COG5: variants seen among roughly 807,000 people sequenced by gnomAD.
COG5 encodes component of oligomeric golgi complex 5.
COG5 carries 86 observed loss-of-function variants against 110.4 expected under a neutral mutation model. The observed-to-expected ratio is 0.78, with a 90% CI of 0.65 to 0.93. The LOEUF (loss-of-function observed/expected upper bound fraction) is 0.93. Among genes scored for constraint, COG5 ranks in the 40% least tolerant of loss-of-function variants. COG5 has a pLI of 0.00. For synonymous variants in COG5, 360 were observed against 334.6 expected (o/e 1.08, Z -0.83); for missense variants, 1,077 against 987.0 (o/e 1.09, Z -1.22).
chr7:107,457,489 C>T (rs541761740), intron 6 of COG5, among the ~76,000 whole-genome samples: 98 of 151,938 alleles, frequency 6.4e-4, no homozygotes, highest in Non-Finnish European at 1.1e-3. Flanking sequence ...GTGCAAGTGG[C>T]GCAATCTCAG....
chr7:107,267,472 T>C (rs192642000), intron 14 of COG5, among the ~76,000 whole-genome samples: 2 of 152,320 alleles, frequency 1.3e-5, no homozygotes, highest in East Asian at 1.9e-4. Flanking sequence ...TTTTTAATTA[T>C]TTGAAAAAGA....
chr7:107,462,340 T>C (rs1796042982), intron 6 of COG5, among the ~76,000 whole-genome samples: 1 of 152,192 alleles, frequency 6.6e-6, no homozygotes, highest in South Asian at 2.1e-4. Context: ...CATGGACTTT[T>C]GCAAAGATCT....
rs571348539 is a variant in COG5, at chr7:107,557,935, T to G, written c.234+41A>C. On this transcript the variant is annotated intron_variant, in intron 2 of 21. Transcript: ENST00000297135. The stretch of plus-strand genomic sequence containing the variant: ...TTACAAAAATGCTAAATTATCACTT[T>G]AGGCTGAATAATCCATAGGGACCCA... The G allele has an allele frequency of 6.2e-6, 10 of 1,609,500 alleles. No individual in the cohort carries two copies. In the African/African-American group the frequency reaches 1.3e-4, roughly 21 times the overall value.
intron 10 of COG5, among the ~76,000 whole-genome samples, chr7:107,327,175 C>G (rs541848280): frequency 6.6e-6 from 1 of 151,922 alleles, no homozygotes; most frequent in Non-Finnish European, 1.5e-5. Context: ...AACAAGGGTG[C>G]CAAGGCTACA....
intron 12 of COG5, among the ~76,000 whole-genome samples, chr7:107,285,757 T>C (rs1215388140): frequency 6.6e-6 from 1 of 151,476 alleles, no homozygotes; most frequent in Non-Finnish European, 1.5e-5. Context: ...TAATCCCAGC[T>C]ACTCAGGAGA....
chr7:107,360,507 C>T (rs12532514), intron 10 of COG5, among the ~76,000 whole-genome samples: 23,625 of 152,208 alleles, frequency 0.16, 2,284 homozygotes, highest in Non-Finnish European at 0.22. Flanking sequence ...GAAGCCCACA[C>T]CTAGATGCAC....
intron 1 of COG5, 134 bp from the exon 2 acceptor site, chr7:107,558,249 T>C (rs1803477032): frequency 2.4e-6 from 2 of 823,570 alleles, no homozygotes; most frequent in Admixed American, 2.2e-5. Context: ...TACTGCTTAA[T>C]GCTTACTTTT....
Position 107,525,772 on chromosome 7 carries a change from G to A in COG5, c.538+1465C>T, listed in dbSNP as rs555783001. ...CAATTTTTACTTTTTAGAGCCAAGA[G>A]GAGATCTGTTCTGTTCACCCAGGCT... On this transcript the variant is annotated intron_variant, in intron 6 of 21. Coordinates refer to ENST00000297135, the MANE Select transcript of COG5 (RefSeq NM_006348.5). 9.9e-5 allele frequency among the ~76,000 whole-genome samples: 15 copies of A among 152,088 alleles called. No homozygotes were observed. In the South Asian group the frequency reaches 3.1e-3, roughly 32 times the overall value.
intron 16 of COG5, among the ~76,000 whole-genome samples, chr7:107,250,956 C>A (rs1802456213): frequency 1.3e-5 from 2 of 151,810 alleles, no homozygotes; most frequent in African/African-American, 4.8e-5. Context: ...GAGAATGAGG[C>A]AGCAAAACTA....
intron 6 of COG5, among the ~76,000 whole-genome samples, chr7:107,468,331 TA>T (rs1267415737): frequency 2.0e-5 from 3 of 152,154 alleles, no homozygotes; most frequent in Admixed American, 6.6e-5. Flanking sequence ...TCTGCTGTGT[TA>T]ATAATCTCCT....
intron 10 of COG5, among the ~76,000 whole-genome samples, chr7:107,333,974 A>G (rs1014710356): frequency 3.9e-5 from 6 of 152,076 alleles, no homozygotes; most frequent in Non-Finnish European, 1.5e-5. Flanking sequence ...AATGAGAACT[A>G]TTTTCTCTCT....
intron 6 of COG5, among the ~76,000 whole-genome samples, chr7:107,517,031 T>A (rs1799968980): frequency 6.6e-6 from 1 of 152,196 alleles, no homozygotes; most frequent in South Asian, 2.1e-4. Flanking sequence ...GAAGTAGGCT[T>A]CAGAAGGTGG....
intron 12 of COG5, among the ~76,000 whole-genome samples, chr7:107,297,608 C>A (rs967628985): frequency 6.6e-6 from 1 of 151,858 alleles, no homozygotes; most frequent in Non-Finnish European, 1.5e-5. Context: ...GCCACCATGC[C>A]CAGCTAATCT....
intron 7 of COG5, among the ~76,000 whole-genome samples, chr7:107,393,770 A>T (rs1790791806): frequency 6.6e-6 from 1 of 152,176 alleles, no homozygotes; most frequent in South Asian, 2.1e-4. Context: ...GAAAAAGATA[A>T]ATTATACTGC....
intron 10 of COG5, among the ~76,000 whole-genome samples, chr7:107,358,185 T>G (rs904309406): frequency 1.3e-5 from 2 of 152,190 alleles, no homozygotes; most frequent in African/African-American, 4.8e-5. Context: ...GTTCTTATGT[T>G]GTTTGTAGAA....
intron 19 of COG5, among the ~76,000 whole-genome samples, chr7:107,227,116 G>A (rs1740807742): frequency 6.6e-6 from 1 of 152,196 alleles, no homozygotes; most frequent in African/African-American, 2.4e-5. Context: ...CAAGAGTTAA[G>A]GGCCTCGTGA....
chr7:107,562,186 G>C lies in COG5; in HGVS notation c.94+1617C>G, dbSNP rs575230237. Among the ~76,000 whole-genome samples the C allele has an allele frequency of 3.3e-5, 5 of 152,276 alleles. No homozygotes were observed. The East Asian group carries it at 9.7e-4, about 29-fold the overall frequency. On this transcript the variant is annotated intron_variant, in intron 1 of 21. Coordinates refer to ENST00000297135, the MANE Select transcript of COG5 (RefSeq NM_006348.5). ...GTCATTTGTTGAGCTTGAAGCGAAA[G>C]GTTTGAAAAGGGTAAAGAAGATTTA...
At chr7:107,272,420 T>C (rs904332862) in intron 14 of COG5, among the ~76,000 whole-genome samples, 4 of 152,152 alleles carry the variant, frequency 2.6e-5, no homozygotes, top group African/African-American at 9.7e-5. Context: ...CTCCCTAAAA[T>C]GTATAAAATC....
intron 19 of COG5, among the ~76,000 whole-genome samples, chr7:107,221,260 G>A (rs76540209): frequency 0.019 from 2,934 of 151,828 alleles, 98 homozygotes; most frequent in African/African-American, 0.066. Flanking sequence ...CCTAGTTTAC[G>A]ATGTGAGAAG....
Sources: gnomAD v4.1 joint callset for allele counts (sites outside exome capture counted in the v4.1 genomes callset) on GRCh38, gnomAD v4.1.1 for gene constraint, MANE v1.5 for transcripts, NCBI Gene and HGNC (gene_info 2026-07-23, HGNC 2026-07-21) for gene names.